The following PPARA variants were observed in gnomAD, a reference collection of about 807,000 sequenced individuals.
PPARA encodes the protein peroxisome proliferator-activated receptor alpha.
PPARA carries 22 observed loss-of-function variants against 42.2 expected under a neutral mutation model. The observed-to-expected ratio is 0.52, with a 90% confidence interval of 0.37 to 0.74. PPARA has a LOEUF of 0.74. PPARA is among the 30% of genes least tolerant of loss of function. The probability of loss-of-function intolerance (pLI) is 0.00; values close to 1 mark genes in which losing one functional copy is unlikely to be tolerated. For synonymous variants in PPARA, 242 were observed against 239.3 expected (o/e 1.01, Z -0.10); for missense variants, 465 against 608.2 (o/e 0.76, Z 2.48).
chr22:46,200,663 C>T lies in PPARA; in HGVS notation c.208+2072C>T, dbSNP rs555688019. 3.9e-5 allele frequency among the ~76,000 whole-genome samples: 6 copies of T among 152,254 alleles called. No individual in the cohort carries two copies. Among genetic ancestry groups the T allele is most frequent in the Non-Finnish European group, 7.3e-5 (5 of 68,036 alleles). On this transcript the variant is annotated intron_variant, in intron 4 of 8. Transcript: ENST00000407236. The surrounding 1 kb of genome is among the most constrained non-coding windows in gnomAD (Gnocchi z 4.8). ...GGGCGCAGTGGCTCACGCCTGTAAT[C>T]CCAACACTTTGGGAGGCTGAGGCAG... is the stretch of plus-strand genomic sequence containing the variant.
rs903281402 is a variant in PPARA at position 46,233,530 on chromosome 22, G to A, written c.1159+1291G>A. 3.9e-5 allele frequency among the ~76,000 whole-genome samples: 6 copies of A among 152,214 alleles called. No homozygotes were observed. The East Asian group carries it at 9.6e-4, about 24-fold the overall frequency. ...TGACTCAGCCCTACCAGCCGTGCCC[G>A]TTACTGTGTGGCTGGGCACAAGTCA... On this transcript the variant is annotated intron_variant, in intron 8 of 8. Transcript: ENST00000407236. The surrounding 1 kb of genome is among the most constrained non-coding windows in gnomAD (Gnocchi z 7.3).
intron 2 of PPARA, among the ~76,000 whole-genome samples, chr22:46,153,512 C>T (rs1924800321): frequency 6.6e-6 from 1 of 152,090 alleles, no homozygotes; most frequent in African/African-American, 2.4e-5. Context: ...GTGTCATAAT[C>T]ATCGAATACT....
At chr22:46,214,498 GTCCGGAAATGTGCAGA>G (rs1934258338) in intron 4 of PPARA, among the ~76,000 whole-genome samples, 1 of 148,524 alleles carries the variant, frequency 6.7e-6, no homozygotes, top group Admixed American at 6.7e-5. Flanking sequence ...AGATGCGCGG[GTCCGGAAATGTGCAGA>G]GCGGAGATGT....
chr22:46,221,461 T>C lies in PPARA; in HGVS notation c.711+1447T>C, dbSNP rs191569072. On this transcript the variant is annotated intron_variant, in intron 7 of 8. Transcript: ENST00000407236. This position sits in a 1 kb window ranked among gnomAD's most constrained non-coding sequence, Gnocchi z 5.9. ...CTCAGACAAACATGCCTACATTCTT[T>C]TTCCGCCTTCAGTGAAAAGACAGTG... 6.6e-5 allele frequency among the ~76,000 whole-genome samples: 10 copies of C among 152,320 alleles called. No homozygotes were observed. The highest frequency in any genetic ancestry group is 5.9e-4 in the Admixed American group (9 of 15,298).
rs919362307 is a variant in PPARA at position 46,184,985 on chromosome 22, T to C, written c.-43+8149T>C. Among the ~76,000 whole-genome samples, 1 of 152,248 alleles carries C rather than the reference T, an allele frequency of 6.6e-6. No homozygotes were observed. Among genetic ancestry groups the C allele is most frequent in the Admixed American group, 6.5e-5 (1 of 15,288 alleles). Reference sequence around the variant, plus strand: ...CCCAGTGAGTGACCATCTGTGTGTGTGTATTCATCCATTCCATGGAGTCCC... The same window carrying C: ...CCCAGTGAGTGACCATCTGTGTGTGCGTATTCATCCATTCCATGGAGTCCC... On this transcript the variant is annotated intron_variant, in intron 3 of 8. Transcript: ENST00000407236. The surrounding 1 kb of genome is among the most constrained non-coding windows in gnomAD (Gnocchi z 4.4).
chr22:46,207,658 TATTA>T (rs1933472695), intron 4 of PPARA, among the ~76,000 whole-genome samples: 3 of 112,620 alleles, frequency 2.7e-5, no homozygotes, highest in African/African-American at 1.3e-4. Context: ...TTATTATTAT[TATTA>T]TTATTATTAT....
intron 2 of PPARA, among the ~76,000 whole-genome samples, chr22:46,172,885 G>A (rs1032201056): frequency 1.2e-4 from 18 of 152,194 alleles, no homozygotes; most frequent in Admixed American, 1.1e-3. Flanking sequence ...ACCCAGAAAC[G>A]TGACTGTCTC....
Position 46,167,294 on chromosome 22 carries a change from A to G in PPARA, c.-126-9459A>G, listed in dbSNP as rs1342975830. On this transcript the variant is annotated intron_variant, in intron 2 of 8. Coordinates refer to ENST00000407236, the MANE Select transcript of PPARA (RefSeq NM_005036.6). This position sits in a 1 kb window ranked among gnomAD's most constrained non-coding sequence, Gnocchi z 4.1. Reference sequence around the variant, plus strand: ...CATGTTACATATTATATTATGTAATATATATTATATGATACTGTTATGTCA... The same window carrying G: ...CATGTTACATATTATATTATGTAATGTATATTATATGATACTGTTATGTCA... Among the ~76,000 whole-genome samples the G allele has an allele frequency of 6.6e-6, 1 of 151,244 alleles. No individual in the cohort carries two copies. Among genetic ancestry groups the G allele is most frequent in the Non-Finnish European group, 1.5e-5 (1 of 67,890 alleles).
intron 2 of PPARA, among the ~76,000 whole-genome samples, chr22:46,166,657 AT>A (rs1347162131): frequency 2.0e-5 from 3 of 152,136 alleles, no homozygotes; most frequent in African/African-American, 7.2e-5. Flanking sequence ...AAGCATGAAA[AT>A]TATGAAATGC....
At chr22:46,152,736 G>A (rs1453896637) in intron 2 of PPARA, among the ~76,000 whole-genome samples, 2 of 152,180 alleles carry the variant, frequency 1.3e-5, no homozygotes, top group Admixed American at 1.3e-4. Flanking sequence ...CACCATCCAT[G>A]AGAGACCAGG....
intron 3 of PPARA, among the ~76,000 whole-genome samples, chr22:46,178,757 A>C (rs1036361885): frequency 2.6e-5 from 4 of 152,190 alleles, no homozygotes; most frequent in Non-Finnish European, 5.9e-5. Flanking sequence ...ACGCAGGGCC[A>C]GGAACAGTGC....
rs2147359251 is a variant in PPARA, at chr22:46,195,500, T to G, written c.-42-2842T>G. 6.6e-6 allele frequency among the ~76,000 whole-genome samples: 1 copy of G among 152,306 alleles called. No individual in the cohort carries two copies. Among genetic ancestry groups the G allele is most frequent in the Non-Finnish European group, 1.5e-5 (1 of 68,034 alleles). ...TTTCCCTGTGTGCTATTTGATGATTTCCCTGTGAACTTTGATGATTTATTG... is the reference window on the plus strand; with the variant it reads ...TTTCCCTGTGTGCTATTTGATGATTGCCCTGTGAACTTTGATGATTTATTG... On this transcript the variant is annotated intron_variant, in intron 3 of 8. Coordinates refer to ENST00000407236, the MANE Select transcript of PPARA (RefSeq NM_005036.6). The surrounding 1 kb of genome is among the most constrained non-coding windows in gnomAD (Gnocchi z 4.6).
At chr22:46,197,250 A>G (rs1488547380) in intron 3 of PPARA, among the ~76,000 whole-genome samples, 4 of 150,698 alleles carry the variant, frequency 2.7e-5, no homozygotes, top group Non-Finnish European at 5.9e-5. Context: ...GGGTTTTGCC[A>G]TGTTGGCCAG....
chr22:46,199,721 C>G (rs1281455025), intron 4 of PPARA, among the ~76,000 whole-genome samples: 1 of 151,970 alleles, frequency 6.6e-6, no homozygotes, highest in African/African-American at 2.4e-5. Context: ...AATGTAAAAT[C>G]TTTTATTTTT....
At position 46,232,960 on chromosome 22, in the gene PPARA, C is replaced by A. The variant is rs1417561438; in HGVS notation, c.1159+721C>A. Among the ~76,000 whole-genome samples, 1 of 131,792 alleles carries A rather than the reference C, an allele frequency of 7.6e-6. No homozygotes were observed. The highest frequency in any genetic ancestry group is 8.5e-5 in the Admixed American group (1 of 11,782). The allele number at this position is 131,792 out of a possible 152,430, so 86.5% of individuals were successfully genotyped here. A position where few individuals can be genotyped will look rare whatever the true frequency, so the allele number is the denominator to read the frequency against. ...TCACGCCACCACACTCCAGCCTGGG[C>A]GACGAAGAATGACCCTGTCTCAAAA... On this transcript the variant is annotated intron_variant, in intron 8 of 8. Transcript: ENST00000407236. The surrounding 1 kb of genome is among the most constrained non-coding windows in gnomAD (Gnocchi z 5.3).
rs968047209 is a variant in PPARA, at chr22:46,165,969, G to A, written c.-126-10784G>A. ...TGCTTGAGTCTGGGAGTTGGAGACC[G>A]GCCTGGGCAACATAGAACCCCATCT... is the stretch of plus-strand genomic sequence containing the variant. On this transcript the variant is annotated intron_variant, in intron 2 of 8. Coordinates refer to ENST00000407236, the MANE Select transcript of PPARA (RefSeq NM_005036.6). The surrounding 1 kb of genome is among the most constrained non-coding windows in gnomAD (Gnocchi z 5.5). Among the ~76,000 whole-genome samples the A allele has an allele frequency of 1.3e-5, 2 of 151,670 alleles. No individual in the cohort carries two copies. Among genetic ancestry groups the A allele is most frequent in the Non-Finnish European group, 2.9e-5 (2 of 67,898 alleles).
Position 46,160,770 on chromosome 22 carries a change from T to A in PPARA, c.-127+8800T>A, listed in dbSNP as rs1476787553. Among the ~76,000 whole-genome samples the A allele has an allele frequency of 1.2e-4, 18 of 151,922 alleles. No individual in the cohort carries two copies. Among genetic ancestry groups the A allele is most frequent in the Admixed American group, 1.2e-3 (18 of 15,240 alleles). ...TGCACACCACCACACCCAACTAGAT[T>A]TTGTGTTTTTTGTAGAGATGGGGTT... is the stretch of plus-strand genomic sequence containing the variant. On this transcript the variant is annotated intron_variant, in intron 2 of 8. Coordinates refer to ENST00000407236, the MANE Select transcript of PPARA (RefSeq NM_005036.6). This position sits in a 1 kb window ranked among gnomAD's most constrained non-coding sequence, Gnocchi z 4.5.
At position 46,178,331 on chromosome 22, in the gene PPARA, T is replaced by G. The variant is rs948030467; in HGVS notation, c.-43+1495T>G. On this transcript the variant is annotated intron_variant, in intron 3 of 8. Coordinates refer to ENST00000407236, the MANE Select transcript of PPARA (RefSeq NM_005036.6). The stretch of plus-strand genomic sequence containing the variant: ...CAGGATAGAATAACAGGGACTGACT[T>G]ACCTTCTCATCTGAGATAACAAAAC... 5.6e-4 allele frequency among the ~76,000 whole-genome samples: 85 copies of G among 152,228 alleles called. 1 individual carries two copies. Among genetic ancestry groups the G allele is most frequent in the South Asian group, 2.1e-4 (1 of 4,834 alleles).
rs78415176 is a variant in PPARA at position 46,165,661 on chromosome 22, G to A, written c.-126-11092G>A. Among the ~76,000 whole-genome samples, 47 of 152,338 alleles carry A rather than the reference G, an allele frequency of 3.1e-4. 1 individual carries two copies. Among genetic ancestry groups the A allele is most frequent in the South Asian group, 2.3e-3 (11 of 4,832 alleles). On this transcript the variant is annotated intron_variant, in intron 2 of 8. Transcript: ENST00000407236. The surrounding 1 kb of genome is among the most constrained non-coding windows in gnomAD (Gnocchi z 5.5). Reference sequence around the variant, plus strand: ...ACAGGTGACCTGGAAACGGATCAGCGTAATCGAGGACTGAAGTCCAGTTCT... The same window carrying A: ...ACAGGTGACCTGGAAACGGATCAGCATAATCGAGGACTGAAGTCCAGTTCT...
Sources: allele counts gnomAD v4.1 joint callset (sites outside exome capture counted in the v4.1 genomes callset), GRCh38; gene constraint gnomAD v4.1.1; non-coding constraint Gnocchi (gnomAD v3.1); transcripts MANE v1.5; gene names NCBI Gene and HGNC (gene_info 2026-07-23, HGNC 2026-07-21).